The following SH2D4A variants were observed in gnomAD, a reference collection of about 807,000 sequenced individuals.
The protein encoded by SH2D4A is SH2 domain containing 4A, also known as SH2 domain-containing protein 4A.
A neutral mutation model predicts 64.7 loss-of-function variants in SH2D4A; 70 were observed. That is an observed-to-expected ratio of 1.08 (90% CI 0.89 to 1.32). The LOEUF (loss-of-function observed/expected upper bound fraction) is 1.32, where lower values mean the gene tolerates loss of function less well. SH2D4A is among the 40% of genes most tolerant of loss of function. SH2D4A has a pLI of 0.00. For missense variants in SH2D4A, 706 were observed against 540.1 expected, an observed-to-expected ratio of 1.31 and a Z score of -3.04; for synonymous variants, 268 against 200.7, an observed-to-expected ratio of 1.34 and a Z score of -2.83.
At chr8:19,316,720 C>G (rs1255580058) in intron 1 of SH2D4A, among the ~76,000 whole-genome samples, 1 of 152,188 alleles carries the variant, frequency 6.6e-6, no homozygotes, top group African/African-American at 2.4e-5. Flanking sequence ...TGTTCTGATT[C>G]TGGGCACACA....
chr8:19,319,384 G>A lies in SH2D4A; in HGVS notation c.-164G>A. 2 of 1,278,712 alleles carry A rather than the reference G, an allele frequency of 1.6e-6. No individual in the cohort carries two copies. Among genetic ancestry groups the A allele is most frequent in the Non-Finnish European group, 2.0e-6 (2 of 1,011,340 alleles). The allele number at this position is 1,278,712 out of a possible 1,614,324, so 79.2% of individuals were successfully genotyped here. A position where few individuals can be genotyped will look rare whatever the true frequency, so the allele number is the denominator to read the frequency against. ...TTTTGGACAGGACATTTGGTGCCAG[G>A]TCTGAGTAGCCAGTTTGCTGAATTA... On this transcript the variant is annotated 5_prime_UTR_variant, in exon 2 of 10. Transcript: ENST00000265807.
At chr8:19,350,609 G>A (rs1300697423) in intron 4 of SH2D4A, among the ~76,000 whole-genome samples, 2 of 151,990 alleles carry the variant, frequency 1.3e-5, no homozygotes, top group African/African-American at 2.4e-5. Context: ...CTCGCCTCCC[G>A]AGTAGCTGGA....
At chr8:19,391,568 C>T (rs1262092069) in intron 8 of SH2D4A, among the ~76,000 whole-genome samples, 1 of 152,204 alleles carries the variant, frequency 6.6e-6, no homozygotes, top group Non-Finnish European at 1.5e-5. Flanking sequence ...TTTTCACCCA[C>T]TCCCAGCTCT....
In SH2D4A at chr8:19,373,630, A is replaced by T; in HGVS notation, c.1018A>T (p.Thr340Ser). The part of the protein sequence containing the change: ...QLPLRAGYQK[T>S]SDTIAPWFHG... ...ACCACTTCGAGCGGGCTACCAGAAA[A>T]CCTCAGACACCATAGCCCCCTGGTT... is the stretch of plus-strand genomic sequence containing the variant. The change falls in exon 8 of 10, where the codon ACC becomes TCC. Residue 340 changes from threonine (T) to serine (S), a missense_variant. Coordinates refer to ENST00000265807, the MANE Select transcript of SH2D4A (RefSeq NM_022071.4). The T allele has an allele frequency of 6.2e-7, 1 of 1,613,036 alleles. No individual in the cohort carries two copies. The highest frequency in any genetic ancestry group is 1.7e-5 in the Admixed American group (1 of 59,878).
chr8:19,386,529 C>T (rs542128223), intron 8 of SH2D4A, among the ~76,000 whole-genome samples: 58 of 152,222 alleles, frequency 3.8e-4, no homozygotes, highest in African/African-American at 1.3e-3. Flanking sequence ...AGTGGCTGTG[C>T]CCGGGAGCCC....
At chr8:19,343,011 T>A (rs1393544411) in intron 4 of SH2D4A, among the ~76,000 whole-genome samples, 3 of 152,182 alleles carry the variant, frequency 2.0e-5, no homozygotes, top group African/African-American at 7.2e-5. Context: ...CTTAGATTTT[T>A]AGAGCAGCCT....
intron 8 of SH2D4A, among the ~76,000 whole-genome samples, chr8:19,378,908 C>G (rs1162006509): frequency 1.8e-5 from 2 of 112,960 alleles, no homozygotes; most frequent in African/African-American, 6.9e-5. Context: ...CACCCCATCT[C>G]TCCAAAAAAA....
chr8:19,336,272 C>G (rs1158890782), intron 4 of SH2D4A, among the ~76,000 whole-genome samples: 1 of 152,166 alleles, frequency 6.6e-6, no homozygotes, highest in Non-Finnish European at 1.5e-5. Context: ...TAATTCTTAA[C>G]TCTCATGTTT....
rs540927869 is a variant in SH2D4A, at chr8:19,357,286, A to G, written c.594+3A>G. ...TGAAGGCATATGCATTTCACCAGGT[A>G]AAAGACTTCCCTTCTGTCCTCCGGG... On this transcript the variant is annotated splice_donor_region_variant and intron_variant, in intron 5 of 9. Coordinates refer to ENST00000265807, the MANE Select transcript of SH2D4A (RefSeq NM_022071.4). The G allele has an allele frequency of 6.2e-7, 1 of 1,608,474 alleles. No homozygotes were observed.
At chr8:19,319,770 C>T in intron 2 of SH2D4A, 42 bp downstream of exon 2, 1 of 1,500,326 alleles carries the variant, frequency 6.7e-7, no homozygotes, top group South Asian at 1.4e-5. Context: ...GTTGGTAGAA[C>T]AGCTCCTGGC....
Position 19,394,572 on chromosome 8 carries a change from G to A in SH2D4A, c.1295G>A (p.Gly432Glu), listed in dbSNP as rs917377641. 1.2e-6 allele frequency: 2 copies of A among 1,607,190 alleles called. No homozygotes were observed. The highest frequency in any genetic ancestry group is 2.7e-5 in the African/African-American group (2 of 74,730). Residue 432 changes from glycine to glutamate, a missense_variant, in exon 10 of 10, where the codon GGG becomes GAG. Transcript: ENST00000265807. ...CAGGAGGAACCCATCACTTCCCTGG[G>A]GAAGGAGCTCCTTCTCTATCCCTGT... ...YHKEEPITSLGKELLLYPCGQ... is the reference protein window; with the variant it reads ...YHKEEPITSLEKELLLYPCGQ...
intron 7 of SH2D4A, among the ~76,000 whole-genome samples, chr8:19,370,751 T>C (rs550746393): frequency 6.6e-6 from 1 of 152,292 alleles, no homozygotes; most frequent in African/African-American, 2.4e-5. Context: ...TATTGATATG[T>C]AAGGGCTTAC....
intron 4 of SH2D4A, among the ~76,000 whole-genome samples, chr8:19,354,019 A>C (rs1471368203): frequency 7.2e-6 from 1 of 138,634 alleles, no homozygotes; most frequent in African/African-American, 2.7e-5. Context: ...TTTGACACGG[A>C]GTCTCACGGT....
At chr8:19,326,005 G>A (rs2052273157) in intron 2 of SH2D4A, among the ~76,000 whole-genome samples, 1 of 152,184 alleles carries the variant, frequency 6.6e-6, no homozygotes, top group Non-Finnish European at 1.5e-5. Context: ...GTGGGGTCCT[G>A]TGTGTGGTTG....
At chr8:19,351,866 C>T (rs1176063697) in intron 4 of SH2D4A, among the ~76,000 whole-genome samples, 2 of 152,096 alleles carry the variant, frequency 1.3e-5, no homozygotes, top group Admixed American at 1.3e-4. Flanking sequence ...TCACTGCAAC[C>T]TCTGCCTCTC....
At chr8:19,339,731 C>A (rs1437974208) in intron 4 of SH2D4A, among the ~76,000 whole-genome samples, 1 of 151,976 alleles carries the variant, frequency 6.6e-6, no homozygotes, top group Non-Finnish European at 1.5e-5. Context: ...AAACTCCTGG[C>A]CTCAGGTGAT....
chr8:19,342,620 G>A (rs973938803), intron 4 of SH2D4A, among the ~76,000 whole-genome samples: 1 of 152,140 alleles, frequency 6.6e-6, no homozygotes, highest in African/African-American at 2.4e-5. Flanking sequence ...TCCGAGTGGG[G>A]GGATCCTGTT....
intron 7 of SH2D4A, among the ~76,000 whole-genome samples, chr8:19,364,866 T>C (rs1430343690): frequency 6.6e-6 from 1 of 152,212 alleles, no homozygotes; most frequent in Non-Finnish European, 1.5e-5. Flanking sequence ...GGAGATACCA[T>C]TGTCTGCTAG....
chr8:19,393,296 G>T (rs752043853), intron 8 of SH2D4A, 22 bp from the exon 9 acceptor site: 23 of 1,611,800 alleles, frequency 1.4e-5, no homozygotes, highest in Non-Finnish European at 2.0e-5. Context: ...TGAAATACCT[G>T]CCTTTTTTTG....
Sources: gnomAD v4.1 joint callset for allele counts (sites outside exome capture counted in the v4.1 genomes callset) on GRCh38, gnomAD v4.1.1 for gene constraint, MANE v1.5 for transcripts, NCBI Gene and HGNC (gene_info 2026-07-23, HGNC 2026-07-21) for gene names.